The following RALYL variants were observed in gnomAD, a reference collection of about 807,000 sequenced individuals.
RALYL encodes the protein RNA-binding Raly-like protein.
RALYL carries 29 observed loss-of-function variants against 35.1 expected under a neutral mutation model. That is an observed-to-expected ratio of 0.83 (90% confidence interval 0.61 to 1.13). The LOEUF (loss-of-function observed/expected upper bound fraction) is 1.13. Among genes scored for constraint, RALYL ranks in the 50% most tolerant of loss-of-function variants. RALYL has a pLI of 0.00. For synonymous variants in RALYL, 120 were observed against 127.6 expected (o/e 0.94, Z 0.40); for missense variants, 359 against 360.4 (o/e 1.00, Z 0.03).
intron 2 of RALYL, among the ~76,000 whole-genome samples, chr8:84,668,296 C>G (rs1832478748): frequency 6.6e-6 from 1 of 152,032 alleles, no homozygotes; most frequent in Non-Finnish European, 1.5e-5. Context: ...GAGCCCAGAA[C>G]AAGAAAGTAA....
intron 2 of RALYL, among the ~76,000 whole-genome samples, chr8:84,593,862 T>C (rs1272875816): frequency 6.6e-6 from 1 of 152,086 alleles, no homozygotes; most frequent in Non-Finnish European, 1.5e-5. Context: ...GTCTCTCTTT[T>C]GTCCAGATTT....
At chr8:84,509,725 T>A (rs1263625037) in intron 1 of RALYL, among the ~76,000 whole-genome samples, 1 of 152,172 alleles carries the variant, frequency 6.6e-6, no homozygotes, top group East Asian at 1.9e-4. Flanking sequence ...TAGATTCATT[T>A]TTTGTATGTA....
chr8:84,327,340 C>T (rs533687299), intron 1 of RALYL, among the ~76,000 whole-genome samples: 1 of 152,022 alleles, frequency 6.6e-6, no homozygotes, highest in African/African-American at 2.4e-5. Context: ...TGGAATGGCA[C>T]AATCTAGAGA....
chr8:84,349,886 A>G (rs1850565989), intron 1 of RALYL, among the ~76,000 whole-genome samples: 1 of 150,206 alleles, frequency 6.7e-6, no homozygotes, highest in Non-Finnish European at 1.5e-5. Context: ...ACCTTGCATC[A>G]TTTTGGTCAT....
chr8:84,657,233 T>C (rs1322466631), intron 2 of RALYL, among the ~76,000 whole-genome samples: 1 of 152,184 alleles, frequency 6.6e-6, no homozygotes, highest in Non-Finnish European at 1.5e-5. Flanking sequence ...TCCTGTACCG[T>C]TTAAAAACCA....
intron 4 of RALYL, among the ~76,000 whole-genome samples, chr8:84,849,493 A>G (rs908440275): frequency 1.3e-4 from 20 of 152,090 alleles, no homozygotes. Flanking sequence ...GGACAACTAT[A>G]TGATTATCTT....
At chr8:84,324,590 T>TG (rs1245738976) in intron 1 of RALYL, among the ~76,000 whole-genome samples, 23 of 151,382 alleles carry the variant, frequency 1.5e-4, no homozygotes, top group Middle Eastern at 3.4e-3. Flanking sequence ...AGTAAATAGT[T>TG]GTGTTTTTTT....
intron 2 of RALYL, among the ~76,000 whole-genome samples, chr8:84,725,486 T>C (rs933634109): frequency 4.6e-5 from 7 of 151,826 alleles, no homozygotes; most frequent in African/African-American, 7.2e-5. Context: ...GACTGATTCA[T>C]GCTTTAATCA....
intron 1 of RALYL, among the ~76,000 whole-genome samples, chr8:84,335,008 C>T (rs374074056): frequency 9.2e-5 from 14 of 152,224 alleles, no homozygotes; most frequent in African/African-American, 3.1e-4. Context: ...CTTTATCCTT[C>T]CCCTCACTGC....
intron 2 of RALYL, among the ~76,000 whole-genome samples, chr8:84,761,132 A>C (rs1812595525): frequency 1.3e-5 from 2 of 152,072 alleles, no homozygotes; most frequent in Admixed American, 1.3e-4. Context: ...CTCTCAGCTT[A>C]TTTTCCTCAG....
chr8:84,803,800 T>G (rs1485207537), intron 3 of RALYL, among the ~76,000 whole-genome samples: 1 of 152,232 alleles, frequency 6.6e-6, no homozygotes, highest in Non-Finnish European at 1.5e-5. Flanking sequence ...ATTAGTGCCT[T>G]CGTTGTTTGG....
intron 1 of RALYL, among the ~76,000 whole-genome samples, chr8:84,431,279 G>A (rs2047108869): frequency 6.6e-6 from 1 of 152,012 alleles, no homozygotes; most frequent in African/African-American, 2.4e-5. Context: ...CTGGAAGCCA[G>A]GCATTTTGAC....
chr8:84,558,604 G>A (rs1004894380), intron 2 of RALYL, among the ~76,000 whole-genome samples: 36 of 152,022 alleles, frequency 2.4e-4, no homozygotes, highest in African/African-American at 8.7e-4. Flanking sequence ...AATCACTTCT[G>A]TGGATTTAAT....
At chr8:84,524,837 G>C (rs942430640) in intron 1 of RALYL, among the ~76,000 whole-genome samples, 1 of 151,780 alleles carries the variant, frequency 6.6e-6, no homozygotes, top group African/African-American at 2.4e-5. Context: ...ACAGATACTT[G>C]AACTTTTTAT....
At chr8:84,551,063 G>C (rs538817459) in intron 2 of RALYL, among the ~76,000 whole-genome samples, 44 of 151,764 alleles carry the variant, frequency 2.9e-4, no homozygotes, top group African/African-American at 1.0e-3. Flanking sequence ...GAATATGGCA[G>C]GTTTTTTTCT....
intron 1 of RALYL, among the ~76,000 whole-genome samples, chr8:84,510,861 G>T (rs1217116933): frequency 6.6e-6 from 1 of 151,096 alleles, no homozygotes; most frequent in Non-Finnish European, 1.5e-5. Flanking sequence ...GTGATGTTTT[G>T]ATATATGTAT....
At chr8:84,732,229 T>C (rs1846311966) in intron 2 of RALYL, among the ~76,000 whole-genome samples, 1 of 152,148 alleles carries the variant, frequency 6.6e-6, no homozygotes, top group South Asian at 2.1e-4. Context: ...TTTTGCTCTT[T>C]TATGCTGAGA....
chr8:84,729,274 T>C (rs564333919), intron 2 of RALYL, among the ~76,000 whole-genome samples: 2 of 151,860 alleles, frequency 1.3e-5, no homozygotes, highest in African/African-American at 4.9e-5. Flanking sequence ...GGCTGTCTGT[T>C]TGTCTGTTCT....
At chr8:84,543,550 A>G (rs965042612) in intron 2 of RALYL, among the ~76,000 whole-genome samples, 6 of 152,046 alleles carry the variant, frequency 3.9e-5, no homozygotes, top group Non-Finnish European at 7.4e-5. Context: ...TTTTCTAAAG[A>G]CTAAAAATGA....
Sources: gnomAD v4.1 joint callset for allele counts (sites outside exome capture counted in the v4.1 genomes callset) on GRCh38, gnomAD v4.1.1 for gene constraint, MANE v1.5 for transcripts, NCBI Gene and HGNC (gene_info 2026-07-23, HGNC 2026-07-21) for gene names.